The following CHCHD6 variants were observed in gnomAD, a reference collection of about 807,000 sequenced individuals.
The protein encoded by CHCHD6 is MICOS complex subunit MIC25.
A neutral mutation model predicts 32.3 loss-of-function variants in CHCHD6; 28 were observed. That is an observed-to-expected ratio of 0.87 (90% confidence interval 0.64 to 1.19). The LOEUF is 1.19. Among genes scored for constraint, CHCHD6 ranks in the 50% most tolerant of loss-of-function variants. The pLI is 0.00. For synonymous variants in CHCHD6, 122 were observed against 117.5 expected (o/e 1.04, Z -0.25); for missense variants, 333 against 307.0 (o/e 1.08, Z -0.63).
At chr3:126,921,086 AC>A (rs11298665) in intron 6 of CHCHD6, among the ~76,000 whole-genome samples, 87,096 of 151,930 alleles carry the variant, frequency 0.57, 26,279 homozygotes, top group Non-Finnish European at 0.67. Context: ...GTAAAGGGCC[AC>A]CCCAGGTAAA....
At chr3:126,898,124 G>A (rs1209409150) in intron 5 of CHCHD6, among the ~76,000 whole-genome samples, 1 of 152,232 alleles carries the variant, frequency 6.6e-6, no homozygotes, top group Non-Finnish European at 1.5e-5. Context: ...CTTCAGGTCC[G>A]CAGGACCCAG....
intron 1 of CHCHD6, among the ~76,000 whole-genome samples, chr3:126,714,076 C>CAAAA (rs1157910763): frequency 0.017 from 480 of 28,854 alleles, 64 homozygotes; most frequent in African/African-American, 0.056. Context: ...GACTGCATCT[C>CAAAA]AAAAAAAAAA....
At chr3:126,768,380 C>A (rs1937463788) in intron 4 of CHCHD6, among the ~76,000 whole-genome samples, 1 of 152,294 alleles carries the variant, frequency 6.6e-6, no homozygotes, top group Non-Finnish European at 1.5e-5. Flanking sequence ...CACTATGCTT[C>A]CTGTACAGCC....
chr3:126,893,193 A>G (rs771507758), intron 5 of CHCHD6, among the ~76,000 whole-genome samples: 3 of 152,076 alleles, frequency 2.0e-5, no homozygotes, highest in Non-Finnish European at 4.4e-5. Context: ...TCCTGGCCTC[A>G]AGTGATCTGC....
rs185218307 is a variant in CHCHD6 at position 126,766,991 on chromosome 3, C to T, written c.411+33769C>T. On this transcript the variant is annotated intron_variant, in intron 4 of 7. Coordinates refer to ENST00000290913, the MANE Select transcript of CHCHD6 (RefSeq NM_032343.3). ...AGTGTGTGGTTAGCGCCACAGGCTA[C>T]GTCTCACACAGCTACATTTGGTACA... 1.3e-4 allele frequency: 111 copies of T among 872,734 alleles called. No homozygotes were observed. In the Middle Eastern group the frequency reaches 1.4e-3, roughly 11 times the overall value. The allele number at this position is 872,734 out of a possible 1,614,324, so 54.1% of individuals were successfully genotyped here. A position where few individuals can be genotyped will look rare whatever the true frequency, so the allele number is the denominator to read the frequency against.
intron 5 of CHCHD6, among the ~76,000 whole-genome samples, chr3:126,888,659 G>A (rs1343742135): frequency 3.9e-5 from 6 of 152,174 alleles, no homozygotes; most frequent in Non-Finnish European, 8.8e-5. Context: ...CACCAGGGAC[G>A]GGAGACAGCC....
chr3:126,705,919 G>C (rs1934464607), intron 1 of CHCHD6, among the ~76,000 whole-genome samples: 1 of 152,208 alleles, frequency 6.6e-6, no homozygotes, highest in African/African-American at 2.4e-5. Context: ...AGAGTGCTTT[G>C]TGGAGGCCTC....
In CHCHD6 at chr3:126,886,884, C is replaced by T. The variant is rs141297350; in HGVS notation, c.496-27796C>T. On this transcript the variant is annotated intron_variant, in intron 5 of 7. Transcript: ENST00000290913. Reference sequence around the variant, plus strand: ...GTGGACTCTAGCAACACAGTGTGACCCCACCCCATCAGAAGCCCCAGCTTC... The same window carrying T: ...GTGGACTCTAGCAACACAGTGTGACTCCACCCCATCAGAAGCCCCAGCTTC... Among the ~76,000 whole-genome samples, 323 of 152,212 alleles carry T rather than the reference C, an allele frequency of 2.1e-3. 1 individual carries two copies. The highest frequency in any genetic ancestry group is 7.5e-3 in the African/African-American group (311 of 41,512).
At chr3:126,735,225 A>C (rs1935992050) in intron 4 of CHCHD6, among the ~76,000 whole-genome samples, 1 of 152,122 alleles carries the variant, frequency 6.6e-6, no homozygotes, top group Admixed American at 6.5e-5. Flanking sequence ...TCTCACCTGG[A>C]ATGTATTAAT....
At chr3:126,715,398 G>T (rs970805438) in intron 1 of CHCHD6, among the ~76,000 whole-genome samples, 2 of 152,172 alleles carry the variant, frequency 1.3e-5, no homozygotes, top group African/African-American at 4.8e-5. Context: ...AGTCAGGGTC[G>T]TTTTTGTCAT....
intron 1 of CHCHD6, among the ~76,000 whole-genome samples, chr3:126,719,808 C>T (rs921092559): frequency 2.0e-5 from 3 of 152,056 alleles, no homozygotes; most frequent in East Asian, 1.9e-4. Context: ...CCGTGGTTAC[C>T]GCTCCCTTGT....
At chr3:126,939,890 C>T (rs955090983) in intron 6 of CHCHD6, among the ~76,000 whole-genome samples, 3 of 152,250 alleles carry the variant, frequency 2.0e-5, no homozygotes, top group Admixed American at 2.0e-4. Flanking sequence ...CCTCAGGCCT[C>T]ATCTTCTGTG....
rs1042123847 is a variant in CHCHD6, at chr3:126,768,517, C to T, written c.411+35295C>T. On this transcript the variant is annotated intron_variant, in intron 4 of 7. Transcript: ENST00000290913. ...GTATTTCTTTATAGCTGTGCAAGAA[C>T]GGACTAATACAATATGCATGTGTGT... Among the ~76,000 whole-genome samples, 9 of 152,260 alleles carry T rather than the reference C, an allele frequency of 5.9e-5. 1 individual carries two copies. The South Asian group carries it at 1.5e-3, about 25-fold the overall frequency.
At chr3:126,804,964 A>G (rs905636142) in intron 4 of CHCHD6, among the ~76,000 whole-genome samples, 2 of 152,142 alleles carry the variant, frequency 1.3e-5, no homozygotes, top group Non-Finnish European at 2.9e-5. Context: ...TGATTATCTC[A>G]ATAGATGCAG....
intron 6 of CHCHD6, among the ~76,000 whole-genome samples, chr3:126,917,346 C>T (rs534764101): frequency 1.3e-5 from 2 of 152,308 alleles, no homozygotes; most frequent in South Asian, 4.1e-4. Flanking sequence ...GCTGGGGTTG[C>T]TCTTCCTTTG....
At chr3:126,928,002 A>G (rs1373827722) in intron 6 of CHCHD6, among the ~76,000 whole-genome samples, 2 of 152,254 alleles carry the variant, frequency 1.3e-5, no homozygotes, top group Non-Finnish European at 2.9e-5. Context: ...GTGCACACAC[A>G]GCTCCTGAGG....
chr3:126,870,492 C>T (rs1397756921), intron 5 of CHCHD6, among the ~76,000 whole-genome samples: 3 of 152,160 alleles, frequency 2.0e-5, no homozygotes, highest in African/African-American at 7.2e-5. Context: ...AATACTTGTC[C>T]TTTTGGTTTT....
intron 4 of CHCHD6, among the ~76,000 whole-genome samples, chr3:126,790,333 G>A (rs1559845403): frequency 1.3e-5 from 2 of 152,078 alleles, no homozygotes; most frequent in Non-Finnish European, 2.9e-5. Context: ...GTATCTTTGT[G>A]GTGTTCTCTG....
chr3:126,754,900 A>G (rs911837682), intron 4 of CHCHD6, among the ~76,000 whole-genome samples: 1 of 152,186 alleles, frequency 6.6e-6, no homozygotes, highest in Non-Finnish European at 1.5e-5. Flanking sequence ...ATGGGCAGGA[A>G]GGGCAGTGGC....
Sources: allele counts gnomAD v4.1 joint callset (sites outside exome capture counted in the v4.1 genomes callset), GRCh38; gene constraint gnomAD v4.1.1; transcripts MANE v1.5; gene names NCBI Gene and HGNC (gene_info 2026-07-23, HGNC 2026-07-21).